The following ANKRD42 variants were observed in gnomAD, a reference collection of about 807,000 sequenced individuals.
The protein encoded by ANKRD42 is ankyrin repeat domain 42.
ANKRD42 carries 43 observed loss-of-function variants against 51.5 expected under a neutral mutation model. The ratio of observed to expected loss-of-function variants is 0.83; its 90% CI spans 0.65 to 1.08. ANKRD42 has a LOEUF of 1.08. Among genes scored for constraint, ANKRD42 ranks in the 50% least tolerant of loss-of-function variants. The probability of loss-of-function intolerance (pLI) is 0.00; values close to 1 mark genes in which losing one functional copy is unlikely to be tolerated. For missense variants in ANKRD42, 608 were observed against 629.3 expected (o/e 0.97, Z 0.36); for synonymous variants, 203 against 213.0 (o/e 0.95, Z 0.41).
rs1591006400 is a variant in ANKRD42 at position 83,241,394 on chromosome 11, A to G, written c.1195+460A>G. Among the ~76,000 whole-genome samples, 3 of 152,324 alleles carry G rather than the reference A, an allele frequency of 2.0e-5. 1 individual carries two copies. In the South Asian group the frequency reaches 6.2e-4, roughly 32 times the overall value. On this transcript the variant is annotated intron_variant, in intron 9 of 10. Coordinates refer to ENST00000533342, the MANE Select transcript of ANKRD42 (RefSeq NM_001300975.2). ...GGGAGGGTGATAAATAATTGATAAG[A>G]AAATAGATATATAAAGTAAATAGAG...
downstream of ANKRD42, among the ~76,000 whole-genome samples, chr11:83,256,774 T>G (rs1863782016): frequency 6.6e-6 from 1 of 152,152 alleles, no homozygotes; most frequent in African/African-American, 2.4e-5. Context: ...AGAACTAGTT[T>G]GCTGTGACAA....
chr11:83,248,189 C>A lies in ANKRD42; in HGVS notation c.1569C>A (p.Gly523=). 6.0e-6 allele frequency: 9 copies of A among 1,505,068 alleles called. No individual in the cohort carries two copies. The highest frequency in any genetic ancestry group is 8.0e-6 in the Non-Finnish European group (9 of 1,129,524). The allele number at this position is 1,505,068 out of a possible 1,614,324, so 93.2% of individuals were successfully genotyped here. Residue 523 remains glycine, a synonymous_variant, in exon 11 of 11, where the codon GGC becomes GGA. Transcript: ENST00000533342. ...GGGGCTCTTTGGACTTGAATCCTGG[C>A]TATAGTCTTTTTTGATTTGGGCTAC... ...LGWGSLDLNP[G]YSLF is the part of the protein sequence containing the mutation.
downstream of ANKRD42, among the ~76,000 whole-genome samples, chr11:83,263,957 G>A (rs1373599390): frequency 6.6e-6 from 1 of 152,140 alleles, no homozygotes; most frequent in Non-Finnish European, 1.5e-5. Context: ...ATGACTAAGA[G>A]TATAAATCGG....
chr11:83,231,192 C>T (rs1863060159), intron 7 of ANKRD42, among the ~76,000 whole-genome samples: 3 of 152,170 alleles, frequency 2.0e-5, no homozygotes, highest in African/African-American at 7.2e-5. Context: ...TACGAGGGCT[C>T]CCTTTTCTCC....
chr11:83,256,318 G>C (rs1454806677), downstream of ANKRD42, among the ~76,000 whole-genome samples: 1 of 151,856 alleles, frequency 6.6e-6, no homozygotes, highest in Non-Finnish European at 1.5e-5. Flanking sequence ...ACTTTCTAGA[G>C]AGTACCTTTC....
chr11:83,248,512 T>G lies in ANKRD42; in HGVS notation c.*308T>G. On this transcript the variant is annotated 3_prime_UTR_variant, in exon 11 of 11. Coordinates refer to ENST00000533342, the MANE Select transcript of ANKRD42 (RefSeq NM_001300975.2). ...AGAGGATATGTATATTTTAATATTC[T>G]AAATAACCAAAATAAAGTGCTTTGA... is the stretch of plus-strand genomic sequence containing the variant. 1 of 1,035,034 alleles carries G rather than the reference T, an allele frequency of 9.7e-7. No homozygotes were observed. Among genetic ancestry groups the G allele is most frequent in the Non-Finnish European group, 1.2e-6 (1 of 862,590 alleles). 64.1% of individuals were successfully genotyped at this position (1,035,034 alleles called of 1,614,324 possible). A position where few individuals can be genotyped will look rare whatever the true frequency, so the allele number is the denominator to read the frequency against.
At chr11:83,243,066 T>C (rs1247822718) in intron 9 of ANKRD42, among the ~76,000 whole-genome samples, 1 of 152,212 alleles carries the variant, frequency 6.6e-6, no homozygotes, top group Non-Finnish European at 1.5e-5. Flanking sequence ...CTTTCCACAA[T>C]GGTTGAACTA....
chr11:83,262,070 C>G (rs904785741), downstream of ANKRD42: 2 of 729,240 alleles, frequency 2.7e-6, no homozygotes, highest in South Asian at 2.1e-5. Flanking sequence ...AACAGGAAAT[C>G]CAACCAATTT....
In ANKRD42 at chr11:83,232,084, T is replaced by C. The variant is rs190237268; in HGVS notation, c.913+4212T>C. 8.8e-3 allele frequency among the ~76,000 whole-genome samples: 1,297 copies of C among 147,114 alleles called. 11 individuals carry two copies. Among genetic ancestry groups the C allele is most frequent in the Non-Finnish European group, 0.014 (961 of 67,252 alleles). ...TTTGGCTACTCTGGGTCTTTTGTGGTTCCATATAAATTTTAGCTTTTTTTT... is the reference window on the plus strand; with the variant it reads ...TTTGGCTACTCTGGGTCTTTTGTGGCTCCATATAAATTTTAGCTTTTTTTT... On this transcript the variant is annotated intron_variant, in intron 7 of 10. Coordinates refer to ENST00000533342, the MANE Select transcript of ANKRD42 (RefSeq NM_001300975.2).
chr11:83,239,040 T>G (rs1445348861), intron 8 of ANKRD42, among the ~76,000 whole-genome samples: 6 of 152,030 alleles, frequency 3.9e-5, no homozygotes. Flanking sequence ...CAGCAATGGA[T>G]GTCAATTTCT....
intron 7 of ANKRD42, 111 bp downstream of exon 7, chr11:83,227,983 C>G (rs1476704227): frequency 7.9e-7 from 1 of 1,260,650 alleles, no homozygotes. Context: ...TTTCTGATAC[C>G]CTAGCAGATA....
chr11:83,218,148 A>G (rs1862598346), intron 5 of ANKRD42, among the ~76,000 whole-genome samples: 1 of 152,220 alleles, frequency 6.6e-6, no homozygotes, highest in Admixed American at 6.5e-5. Context: ...CTAGAAAAGC[A>G]GAGGGGTTTT....
chr11:83,202,767 T>A (rs2135485065), intron 2 of ANKRD42, among the ~76,000 whole-genome samples: 1 of 152,276 alleles, frequency 6.6e-6, no homozygotes, highest in South Asian at 2.1e-4. Flanking sequence ...TAACTTTAAA[T>A]TTTATTCTCT....
At chr11:83,256,008 A>G in exon 12 of ANKRD42, 1 of 1,069,298 alleles carries the variant, frequency 9.4e-7, no homozygotes, top group East Asian at 2.6e-5. Flanking sequence ...GTGAGTCTAT[A>G]CAAACTATCT....
chr11:83,222,989 C>T (rs1158296287), intron 5 of ANKRD42, among the ~76,000 whole-genome samples: 1 of 152,170 alleles, frequency 6.6e-6, no homozygotes, highest in African/African-American at 2.4e-5. Context: ...GTGGCCCATG[C>T]TTGTAGTCCC....
chr11:83,207,311 C>T (rs1033769260), intron 3 of ANKRD42, among the ~76,000 whole-genome samples: 21 of 152,314 alleles, frequency 1.4e-4, no homozygotes, highest in African/African-American at 4.8e-4. Context: ...AGGGGGAACA[C>T]AGCCAATGTA....
Position 83,193,715 on chromosome 11 carries a change from C to A in ANKRD42, c.-956C>A. 2.6e-6 allele frequency: 1 copy of A among 389,040 alleles called. No individual in the cohort carries two copies. Among genetic ancestry groups the A allele is most frequent in the South Asian group, 1.8e-5 (1 of 55,064 alleles). 24.1% of individuals were successfully genotyped at this position (389,040 alleles called of 1,614,324 possible). ...GACCTCAGCACGTCGGAAGTGTACT[C>A]GTTTCCAAGGCGACGGCCCTGCTGC... On this transcript the variant is annotated 5_prime_UTR_variant, in exon 1 of 11. Transcript: ENST00000533342.
chr11:83,216,163 TG>T (rs1213473760), intron 5 of ANKRD42, among the ~76,000 whole-genome samples: 2 of 152,220 alleles, frequency 1.3e-5, no homozygotes, highest in African/African-American at 4.8e-5. Flanking sequence ...TTGTTAGATT[TG>T]TCTTTTAGTC....
At chr11:83,209,328 G>T in intron 3 of ANKRD42, 1 of 918,636 alleles carries the variant, frequency 1.1e-6, no homozygotes, top group South Asian at 1.4e-5. Context: ...CAAAGTGGGT[G>T]GGAGTGCGTG....
Sources: gnomAD v4.1 joint callset for allele counts (sites outside exome capture counted in the v4.1 genomes callset) on GRCh38, gnomAD v4.1.1 for gene constraint, MANE v1.5 for transcripts, NCBI Gene and HGNC (gene_info 2026-07-23, HGNC 2026-07-21) for gene names.